Variants in USP47 observed in about 807,000 individuals in gnomAD.
USP47 encodes the protein ubiquitin carboxyl-terminal hydrolase 47.
In USP47, 35 loss-of-function variants were observed where a neutral mutation model predicts 165.1. That is an observed-to-expected ratio of 0.21 (90% CI 0.16 to 0.28). The LOEUF (loss-of-function observed/expected upper bound fraction) is 0.28, where lower values mean the gene tolerates loss of function less well. Among genes scored for constraint, USP47 ranks in the 10% least tolerant of loss-of-function variants. The probability of loss-of-function intolerance (pLI) is 1.00; values close to 1 mark genes in which losing one functional copy is unlikely to be tolerated. For missense variants in USP47, 1,277 were observed against 1,607.4 expected (o/e 0.79, Z 3.52); for synonymous variants, 531 against 544.5 (o/e 0.98, Z 0.35).
intron 1 of USP47, among the ~76,000 whole-genome samples, chr11:11,879,227 G>C (rs778484172): frequency 2.0e-5 from 3 of 152,144 alleles, no homozygotes; most frequent in Non-Finnish European, 2.9e-5. Context: ...AGTGAAGGAG[G>C]TAGTTCAAGA....
chr11:11,864,753 ATCT>A (rs35701620), intron 1 of USP47, among the ~76,000 whole-genome samples: 24,563 of 151,946 alleles, frequency 0.16, 2,431 homozygotes, highest in Admixed American at 0.34. Flanking sequence ...ATAGAATATA[ATCT>A]TATTTTTAAT....
intron 1 of USP47, among the ~76,000 whole-genome samples, chr11:11,858,558 C>T (rs77633337): frequency 0.017 from 2,582 of 152,282 alleles, 27 homozygotes; most frequent in Non-Finnish European, 0.024. Flanking sequence ...TCTCTGTCGT[C>T]TCTTGTAATC....
intron 4 of USP47, among the ~76,000 whole-genome samples, chr11:11,893,167 A>C (rs1390126657): frequency 2.0e-5 from 3 of 152,206 alleles, no homozygotes; most frequent in Non-Finnish European, 4.4e-5. Flanking sequence ...AGATTGTTTA[A>C]TCGCCTAATG....
intron 20 of USP47, among the ~76,000 whole-genome samples, chr11:11,947,206 T>G (rs72857635): frequency 0.13 from 19,479 of 152,158 alleles, 1,591 homozygotes; most frequent in Middle Eastern, 0.39. Flanking sequence ...GACAAAAGAT[T>G]AAAATAATAA....
At chr11:11,857,893 C>T (rs1849145334) in intron 1 of USP47, among the ~76,000 whole-genome samples, 1 of 152,046 alleles carries the variant, frequency 6.6e-6, no homozygotes, top group Non-Finnish European at 1.5e-5. Flanking sequence ...CATAGAAGTG[C>T]AGCTTTGTAA....
chr11:11,876,876 T>TCTTA (rs770034599), intron 1 of USP47, among the ~76,000 whole-genome samples: 1 of 152,208 alleles, frequency 6.6e-6, no homozygotes, highest in Non-Finnish European at 1.5e-5. Context: ...ATTCTCTTGG[T>TCTTA]CTTAGATGGT....
Position 11,920,446 on chromosome 11 carries a change from A to G in USP47, c.1170A>G (p.Thr390=), listed in dbSNP as rs368296960. 5 of 1,611,112 alleles carry G rather than the reference A, an allele frequency of 3.1e-6. No homozygotes were observed. The highest frequency in any genetic ancestry group is 1.7e-5 in the Admixed American group (1 of 59,730). ...MHRIKLNDRM[T]FPEELDMSTF... ...GGATTAAACTGAATGATCGAATGACATTTCCCGAGGAACTAGATATGAGTA... is the reference window on the plus strand; with the variant it reads ...GGATTAAACTGAATGATCGAATGACGTTTCCCGAGGAACTAGATATGAGTA... The change falls in exon 10 of 28, where the codon ACA becomes ACG. Residue 390 remains threonine (T), a synonymous_variant. Coordinates refer to ENST00000527733, the MANE Select transcript of USP47 (RefSeq NM_001282659.2).
At chr11:11,904,478 C>G (rs561737397) in intron 7 of USP47, among the ~76,000 whole-genome samples, 1 of 152,244 alleles carries the variant, frequency 6.6e-6, no homozygotes, top group African/African-American at 2.4e-5. Context: ...ATTTAGTGAT[C>G]TAGTTTCTCT....
intron 14 of USP47, 134 bp from the exon 15 acceptor site, chr11:11,932,870 A>G (rs562468602): frequency 3.2e-6 from 2 of 629,998 alleles, no homozygotes; most frequent in Non-Finnish European, 2.7e-6. Context: ...CCAAGTTGAG[A>G]GAAGGATGTA....
chr11:11,873,395 A>G (rs1387315906), intron 1 of USP47, among the ~76,000 whole-genome samples: 1 of 152,168 alleles, frequency 6.6e-6, no homozygotes, highest in Non-Finnish European at 1.5e-5. Flanking sequence ...GATATTGTTA[A>G]GCAGCCTTGT....
chr11:11,923,824 A>G (rs1417626151), intron 11 of USP47, among the ~76,000 whole-genome samples: 4 of 152,236 alleles, frequency 2.6e-5, no homozygotes, highest in Admixed American at 6.5e-5. Flanking sequence ...AGGGATTGCT[A>G]TGTAATGAAT....
chr11:11,854,491 A>G (rs1848914952), intron 1 of USP47, among the ~76,000 whole-genome samples: 1 of 147,372 alleles, frequency 6.8e-6, no homozygotes, highest in African/African-American at 2.4e-5. Context: ...CATGCACACA[A>G]TAAGCTATCA....
chr11:11,847,905 C>T (rs1232247043), intron 1 of USP47, among the ~76,000 whole-genome samples: 2 of 152,198 alleles, frequency 1.3e-5, no homozygotes, highest in Non-Finnish European at 2.9e-5. Context: ...GTGCTAGACA[C>T]TATGCTAACC....
At chr11:11,862,024 C>T (rs1379773154) in intron 1 of USP47, among the ~76,000 whole-genome samples, 1 of 140,222 alleles carries the variant, frequency 7.1e-6, no homozygotes, top group Admixed American at 7.3e-5. Flanking sequence ...GGTACAAAGT[C>T]TTTTTTTTTT....
intron 27 of USP47, among the ~76,000 whole-genome samples, chr11:11,955,634 G>C (rs1856515950): frequency 6.6e-6 from 1 of 152,156 alleles, no homozygotes; most frequent in African/African-American, 2.4e-5. Context: ...TTCAAAACTA[G>C]CTTTCTGATT....
At chr11:11,886,716 AAC>A (rs1490959098) in intron 3 of USP47, among the ~76,000 whole-genome samples, 1 of 152,212 alleles carries the variant, frequency 6.6e-6, no homozygotes, top group Middle Eastern at 3.2e-3. Flanking sequence ...AAGACAGGCC[AAC>A]ATTCAAATTC....
chr11:11,908,838 C>G (rs1054055725), intron 8 of USP47, among the ~76,000 whole-genome samples: 1 of 152,146 alleles, frequency 6.6e-6, no homozygotes, highest in Non-Finnish European at 1.5e-5. Flanking sequence ...CTGTATATCT[C>G]AGATTGAGTT....
intron 1 of USP47, among the ~76,000 whole-genome samples, 155 bp downstream of exon 1, chr11:11,842,379 G>A (rs1259713596): frequency 2.6e-5 from 4 of 152,158 alleles, no homozygotes; most frequent in Non-Finnish European, 5.9e-5. Flanking sequence ...CGGTGGGTGC[G>A]GCGAGCAGTT....
Position 11,870,238 on chromosome 11 carries a change from G to T in USP47, c.40-9939G>T, listed in dbSNP as rs564847032. Among the ~76,000 whole-genome samples the T allele has an allele frequency of 2.6e-5, 4 of 151,562 alleles. No homozygotes were observed. In the East Asian group the frequency reaches 7.7e-4, roughly 29 times the overall value. ...TAAACCAACTTATCACAGTCTACAG[G>T]TGTTATTTTACTAGTTCAAGTGAAA... On this transcript the variant is annotated intron_variant, in intron 1 of 27. Transcript: ENST00000527733.
Sources: gnomAD v4.1 joint callset for allele counts (sites outside exome capture counted in the v4.1 genomes callset) on GRCh38, gnomAD v4.1.1 for gene constraint, MANE v1.5 for transcripts, NCBI Gene and HGNC (gene_info 2026-07-23, HGNC 2026-07-21) for gene names.